Variants in KDM1B observed in about 807,000 individuals in gnomAD.
KDM1B encodes lysine-specific histone demethylase 2.
A neutral mutation model predicts 107.4 loss-of-function variants in KDM1B; 63 were observed. The observed-to-expected ratio is 0.59, with a 90% confidence interval of 0.48 to 0.72. KDM1B has a LOEUF of 0.72. Ranked by LOEUF, KDM1B falls within the 30% of genes least tolerant of loss-of-function variation. KDM1B has a pLI of 0.00. For synonymous variants in KDM1B, 363 were observed against 363.9 expected (o/e 1.00, Z 0.03); for missense variants, 749 against 1,020.8 (o/e 0.73, Z 3.63).
rs569047411 is a variant in KDM1B, at chr6:18,204,449, G to A, written c.1532-1088G>A. Among the ~76,000 whole-genome samples, 1 of 152,152 alleles carries A rather than the reference G, an allele frequency of 6.6e-6. No homozygotes were observed. The highest frequency in any genetic ancestry group is 1.5e-5 in the Non-Finnish European group (1 of 68,024). ...GAATGGCACCACAGCACTCCAGCCT[G>A]GGTGACATGGTGAGACCCTATCTCA... On this transcript the variant is annotated intron_variant, in intron 14 of 21. Coordinates refer to ENST00000650836, the MANE Select transcript of KDM1B (RefSeq NM_001364614.2). This position sits in a 1 kb window ranked among gnomAD's most constrained non-coding sequence, Gnocchi z 4.9.
In KDM1B at chr6:18,179,067, T is replaced by C. The variant is rs548868473; in HGVS notation, c.535-6705T>C. On this transcript the variant is annotated intron_variant, in intron 7 of 21. Transcript: ENST00000650836. ...CTCTTTGTAGACATTCTTTATGAGATGGAGCAGTCTCCTTTTCTTTTCCTA... is the reference window on the plus strand; with the variant it reads ...CTCTTTGTAGACATTCTTTATGAGACGGAGCAGTCTCCTTTTCTTTTCCTA... Among the ~76,000 whole-genome samples, 92 of 152,374 alleles carry C rather than the reference T, an allele frequency of 6.0e-4. 1 individual carries two copies. The South Asian group carries it at 0.01, about 17-fold the overall frequency.
intron 17 of KDM1B, among the ~76,000 whole-genome samples, chr6:18,208,603 G>GTGTATATATATATATATATATATATATA (rs1359166965): frequency 2.6e-4 from 9 of 34,896 alleles, no homozygotes; most frequent in Non-Finnish European, 2.4e-4. Context: ...GTATGTGTAT[G>GTGTATATATATATATATATATATATATA]TATATATATA....
intron 7 of KDM1B, among the ~76,000 whole-genome samples, chr6:18,184,025 A>T (rs1397381013): frequency 6.6e-6 from 1 of 151,974 alleles, no homozygotes; most frequent in Non-Finnish European, 1.5e-5. Context: ...AAGACGCACA[A>T]ATCAAAATGC....
At chr6:18,198,093 A>G (rs970022325) in intron 12 of KDM1B, among the ~76,000 whole-genome samples, 8 of 151,896 alleles carry the variant, frequency 5.3e-5, no homozygotes, top group Non-Finnish European at 1.0e-4. Context: ...GTGGGGTTTC[A>G]CCGTGTTGGC....
chr6:18,194,313 G>A (rs1483256476), intron 10 of KDM1B, among the ~76,000 whole-genome samples: 1 of 152,140 alleles, frequency 6.6e-6, no homozygotes, highest in Admixed American at 6.5e-5. Flanking sequence ...GTGAGCCACC[G>A]TGCTGGTTCC....
chr6:18,187,682 T>C, intron 8 of KDM1B, 110 bp from the exon 9 acceptor site: 2 of 715,960 alleles, frequency 2.8e-6, no homozygotes, highest in South Asian at 1.7e-5. Context: ...AGAAAAAGCA[T>C]AGCGGGTTAA....
rs942923918 is a variant in KDM1B, at chr6:18,214,777, G to A, written c.2110-230G>A. 6.6e-6 allele frequency among the ~76,000 whole-genome samples: 1 copy of A among 152,176 alleles called. No homozygotes were observed. The highest frequency in any genetic ancestry group is 6.5e-5 in the Admixed American group (1 of 15,280). Reference sequence around the variant, plus strand: ...ATACAAAAGTTAGCCGGGCATGGTGGCAGACGCCTGTAATCCCAGCTACTC... The same window carrying A: ...ATACAAAAGTTAGCCGGGCATGGTGACAGACGCCTGTAATCCCAGCTACTC... On this transcript the variant is annotated intron_variant, in intron 19 of 21. Transcript: ENST00000650836. The surrounding 1 kb of genome is among the most constrained non-coding windows in gnomAD (Gnocchi z 4.4).
chr6:18,206,713 C>T (rs762016841), intron 15 of KDM1B, among the ~76,000 whole-genome samples: 27 of 152,158 alleles, frequency 1.8e-4, no homozygotes, highest in Admixed American at 7.9e-4. Context: ...GCATGAGCCA[C>T]TGCACCAGGA....
intron 7 of KDM1B, among the ~76,000 whole-genome samples, chr6:18,183,934 C>T (rs528264401): frequency 2.1e-3 from 320 of 152,112 alleles, no homozygotes; most frequent in Non-Finnish European, 3.8e-3. Context: ...GAAATACAGT[C>T]CAAGGACTAG....
At position 18,162,993 on chromosome 6, in the gene KDM1B, G is replaced by A; in HGVS notation, c.305+69G>A. The stretch of plus-strand genomic sequence containing the variant: ...GTGGCAGGGGCAGTGCGTGTGGTCA[G>A]CTGATTAAAGCTTAGTCTCGAGGCT... On this transcript the variant is annotated intron_variant, in intron 5 of 21. Coordinates refer to ENST00000650836, the MANE Select transcript of KDM1B (RefSeq NM_001364614.2). This position sits in a 1 kb window ranked among gnomAD's most constrained non-coding sequence, Gnocchi z 4.1. 1 of 890,100 alleles carries A rather than the reference G, an allele frequency of 1.1e-6. No individual in the cohort carries two copies. Among genetic ancestry groups the A allele is most frequent in the Non-Finnish European group, 1.9e-6 (1 of 524,688 alleles). 55.1% of individuals were successfully genotyped at this position (890,100 alleles called of 1,614,324 possible).
chr6:18,208,695 A>G (rs1224584368), intron 17 of KDM1B, among the ~76,000 whole-genome samples: 1 of 112,108 alleles, frequency 8.9e-6, no homozygotes, highest in Non-Finnish European at 1.7e-5. Context: ...CCCAGGCTGG[A>G]GTGCAGTGGC....
At chr6:18,173,239 T>C (rs1048781030) in intron 7 of KDM1B, among the ~76,000 whole-genome samples, 4 of 152,230 alleles carry the variant, frequency 2.6e-5, no homozygotes, top group Admixed American at 1.3e-4. Flanking sequence ...ATAGCCATTC[T>C]AATGGGTATG....
In KDM1B at chr6:18,198,637, C is replaced by CAAAAAAAAAAAAAA. The variant is rs762849198; in HGVS notation, c.1221+983_1221+996dup. ...TGGGTGACAGAGCGAGACTCCATCT[C>CAAAAAAAAAAAAAA]AAAAAAAAAAAAAAAAAAAACAAAA... On this transcript the variant is annotated intron_variant, in intron 12 of 21. Transcript: ENST00000650836. Among the ~76,000 whole-genome samples, 2 of 69,222 alleles carry CAAAAAAAAAAAAAA rather than the reference C, an allele frequency of 2.9e-5. 1 individual carries two copies. The highest frequency in any genetic ancestry group is 4.9e-5 in the Non-Finnish European group (2 of 40,658). 45.4% of individuals were successfully genotyped at this position (69,222 alleles called of 152,430 possible). A position where few individuals can be genotyped will look rare whatever the true frequency, so the allele number is the denominator to read the frequency against.
At position 18,197,062 on chromosome 6, in the gene KDM1B, T is replaced by A. The variant is rs746641513; in HGVS notation, c.975T>A (p.Ala325=). The A allele has an allele frequency of 6.2e-7, 1 of 1,605,658 alleles. No individual in the cohort carries two copies. The highest frequency in any genetic ancestry group is 1.1e-5 in the South Asian group (1 of 90,274). The change falls in exon 11 of 22, where the codon GCT becomes GCA. Residue 325 remains alanine, a synonymous_variant. Coordinates refer to ENST00000650836, the MANE Select transcript of KDM1B (RefSeq NM_001364614.2). The surrounding 1 kb of genome is among the most constrained non-coding windows in gnomAD (Gnocchi z 4.5). ...GGTTTTATTTCCAAACACAGGAAGC[T>A]CTTACTCCTCAGAAATGTATTCCTC... ...LALWYTNCKE[A]LTPQKCIPHI... is the part of the protein sequence containing the mutation.
chr6:18,201,747 G>A lies in KDM1B; in HGVS notation c.1531+90G>A, dbSNP rs1006028780. 12 of 1,117,152 alleles carry A rather than the reference G, an allele frequency of 1.1e-5. No individual in the cohort carries two copies. Among genetic ancestry groups the A allele is most frequent in the Admixed American group, 8.3e-5 (3 of 36,252 alleles). 69.2% of individuals were successfully genotyped at this position (1,117,152 alleles called of 1,614,324 possible). A position where few individuals can be genotyped will look rare whatever the true frequency, so the allele number is the denominator to read the frequency against. ...AGTGGCATTGTTCATTTGCGAGGTC[G>A]GATGTCGGCAACAGGGTAGCCCTCC... On this transcript the variant is annotated intron_variant, in intron 14 of 21. Coordinates refer to ENST00000650836, the MANE Select transcript of KDM1B (RefSeq NM_001364614.2). This position sits in a 1 kb window ranked among gnomAD's most constrained non-coding sequence, Gnocchi z 4.3.
chr6:18,167,842 A>G (rs1785409715), intron 6 of KDM1B, among the ~76,000 whole-genome samples: 1 of 151,986 alleles, frequency 6.6e-6, no homozygotes, highest in South Asian at 2.1e-4. Flanking sequence ...GACTCACTGC[A>G]GCCTCGGTCT....
intron 17 of KDM1B, among the ~76,000 whole-genome samples, chr6:18,208,629 T>A (rs9465120): frequency 7.8e-3 from 106 of 13,564 alleles, no homozygotes; most frequent in African/African-American, 0.014. Flanking sequence ...ATATATATAT[T>A]TTTTTTTTTT....
intron 7 of KDM1B, among the ~76,000 whole-genome samples, chr6:18,174,834 G>A (rs1785891276): frequency 6.6e-6 from 1 of 152,032 alleles, no homozygotes; most frequent in African/African-American, 2.4e-5. Context: ...ATATATATAT[G>A]TGTATGTATG....
chr6:18,206,600 T>C (rs1352462652), intron 15 of KDM1B, among the ~76,000 whole-genome samples: 3 of 152,178 alleles, frequency 2.0e-5, no homozygotes, highest in African/African-American at 4.8e-5. Flanking sequence ...GTTTTTCTTA[T>C]TTTTTGTAGA....
Sources: gnomAD v4.1 joint callset for allele counts (sites outside exome capture counted in the v4.1 genomes callset) on GRCh38, gnomAD v4.1.1 for gene constraint, Gnocchi (gnomAD v3.1) non-coding constraint, MANE v1.5 for transcripts, NCBI Gene and HGNC (gene_info 2026-07-23, HGNC 2026-07-21) for gene names.